CPLX2: variants seen among roughly 807,000 people sequenced by gnomAD.
The protein encoded by CPLX2 is complexin 2, also known as complexin-2.
A neutral mutation model predicts 16.3 loss-of-function variants in CPLX2; 5 were observed. That is an observed-to-expected ratio of 0.31 (90% CI 0.16 to 0.64). The LOEUF (loss-of-function observed/expected upper bound fraction) is 0.64. Ranked by LOEUF, CPLX2 falls within the 30% of genes least tolerant of loss-of-function variation. CPLX2 has a pLI of 0.79. For missense variants in CPLX2, 144 were observed against 181.4 expected, an observed-to-expected ratio of 0.79 and a Z score of 1.18; for synonymous variants, 89 against 73.2, an observed-to-expected ratio of 1.22 and a Z score of -1.10.
At chr5:175,876,370 A>C (rs1184337979) in intron 1 of CPLX2, among the ~76,000 whole-genome samples, 1 of 152,172 alleles carries the variant, frequency 6.6e-6, no homozygotes, top group African/African-American at 2.4e-5. Flanking sequence ...TTAGAAAGTA[A>C]AAAGAGGCAG....
intron 2 of CPLX2, among the ~76,000 whole-genome samples, chr5:175,828,980 C>G (rs978917964): frequency 6.6e-6 from 1 of 152,100 alleles, no homozygotes; most frequent in Non-Finnish European, 1.5e-5. Context: ...TGGAGCCAGA[C>G]GCACTCCCCG....
At chr5:175,827,167 CCAAT>C (rs1297981935) in intron 2 of CPLX2, among the ~76,000 whole-genome samples, 3 of 152,168 alleles carry the variant, frequency 2.0e-5, no homozygotes, top group African/African-American at 7.2e-5. Context: ...CTTCCCTGCA[CCAAT>C]CACTCTAGCC....
intron 2 of CPLX2, among the ~76,000 whole-genome samples, chr5:175,823,984 T>G (rs1037835944): frequency 3.9e-5 from 6 of 152,134 alleles, no homozygotes; most frequent in African/African-American, 1.4e-4. Flanking sequence ...CGCACAGGCC[T>G]GGGGCTTGCT....
upstream of CPLX2, among the ~76,000 whole-genome samples, chr5:175,871,332 G>A (rs1759587830): frequency 6.9e-6 from 1 of 145,516 alleles, no homozygotes; most frequent in African/African-American, 2.6e-5. Context: ...GAGGAATGGA[G>A]GGAGAAGGAG....
chr5:175,836,453 A>G (rs1237085376), intron 2 of CPLX2, among the ~76,000 whole-genome samples: 1 of 152,248 alleles, frequency 6.6e-6, no homozygotes, highest in African/African-American at 2.4e-5. Flanking sequence ...GGTGACTGGA[A>G]CGAGGCTCTT....
chr5:175,816,988 C>T (rs1340837946), intron 2 of CPLX2, among the ~76,000 whole-genome samples: 2 of 152,226 alleles, frequency 1.3e-5, no homozygotes, highest in Non-Finnish European at 2.9e-5. Flanking sequence ...ACGTGGTGTC[C>T]ATGGTGACCC....
intron 2 of CPLX2, among the ~76,000 whole-genome samples, chr5:175,852,845 G>A (rs1398104341): frequency 6.6e-6 from 1 of 152,178 alleles, no homozygotes; most frequent in African/African-American, 2.4e-5. Context: ...ACCCAGGGAA[G>A]CATTGGCATC....
chr5:175,805,970 C>T lies in CPLX2; in HGVS notation c.-168-3019C>T, dbSNP rs1007839374. On this transcript the variant is annotated intron_variant, in intron 1 of 4. Transcript: ENST00000359546. ...GAGTCCTGATAGCTACTCCTCCTAT[C>T]TTTGCCACCCCAAGCCACTGCCTTA... Among the ~76,000 whole-genome samples the T allele has an allele frequency of 2.6e-5, 4 of 152,222 alleles. No individual in the cohort carries two copies. In the South Asian group the frequency reaches 8.3e-4, roughly 32 times the overall value.
chr5:175,880,071 C>T lies in CPLX2; in HGVS notation c.*26C>T. The T allele has an allele frequency of 1.9e-6, 3 of 1,596,690 alleles. No homozygotes were observed. The highest frequency in any genetic ancestry group is 1.1e-5 in the South Asian group (1 of 88,664). On this transcript the variant is annotated 3_prime_UTR_variant, in exon 4 of 4. Coordinates refer to ENST00000393745, the MANE Select transcript of CPLX2 (RefSeq NM_001008220.2). Reference sequence around the variant, plus strand: ...CCAGGCCTCCTGCCCCAGCCTACTCCACCTGTTACTACTTCTTTTTGGTTC... The same window carrying T: ...CCAGGCCTCCTGCCCCAGCCTACTCTACCTGTTACTACTTCTTTTTGGTTC...
intron 2 of CPLX2, chr5:175,837,935 A>G (rs1212397996): frequency 6.6e-6 from 1 of 152,242 alleles, no homozygotes; most frequent in African/African-American, 2.4e-5. Context: ...GAGGGAGATA[A>G]TAGTTAAAAA....
chr5:175,867,890 A>G (rs1227060348), upstream of CPLX2, among the ~76,000 whole-genome samples: 1 of 152,210 alleles, frequency 6.6e-6, no homozygotes, highest in Non-Finnish European at 1.5e-5. Flanking sequence ...TGGGACCCTC[A>G]CAGTGATGGC....
At chr5:175,862,880 G>C (rs1473791187) in intron 2 of CPLX2, among the ~76,000 whole-genome samples, 1 of 152,198 alleles carries the variant, frequency 6.6e-6, no homozygotes, top group Non-Finnish European at 1.5e-5. Flanking sequence ...GAAATACACA[G>C]GTGGGCTCCT....
chr5:175,804,437 G>A lies in CPLX2; in HGVS notation c.-168-4552G>A, dbSNP rs115643670. ...CTGGGCCTGTACCCTAAGGTGCTGTGTAGGATCAGACCCACCCCTTGTATG... is the reference window on the plus strand; with the variant it reads ...CTGGGCCTGTACCCTAAGGTGCTGTATAGGATCAGACCCACCCCTTGTATG... On this transcript the variant is annotated intron_variant, in intron 1 of 4. Coordinates refer to the CPLX2 transcript ENST00000359546. Among the ~76,000 whole-genome samples, 1,434 of 152,316 alleles carry A rather than the reference G, an allele frequency of 9.4e-3. 25 individuals carry two copies. Among genetic ancestry groups the A allele is most frequent in the African/African-American group, 0.034 (1,396 of 41,558 alleles).
chr5:175,802,230 C>T (rs1370067325), intron 1 of CPLX2, among the ~76,000 whole-genome samples: 1 of 152,156 alleles, frequency 6.6e-6, no homozygotes, highest in Non-Finnish European at 1.5e-5. Flanking sequence ...GGAAAATAAA[C>T]CAAACTTCCA....
intron 2 of CPLX2, among the ~76,000 whole-genome samples, chr5:175,851,825 T>G (rs776904012): frequency 2.0e-5 from 3 of 152,234 alleles, no homozygotes; most frequent in Non-Finnish European, 2.9e-5. Context: ...CTGGCAGCCG[T>G]GCTTTGGTCC....
At chr5:175,841,589 C>G (rs928486935) in intron 2 of CPLX2, among the ~76,000 whole-genome samples, 2 of 152,210 alleles carry the variant, frequency 1.3e-5, no homozygotes, top group African/African-American at 4.8e-5. Flanking sequence ...AGGGACCCCC[C>G]AAGTCTCTTC....
intron 2 of CPLX2, among the ~76,000 whole-genome samples, chr5:175,826,637 G>T (rs1213304778): frequency 6.6e-6 from 1 of 152,088 alleles, no homozygotes; most frequent in African/African-American, 2.4e-5. Context: ...ACGAAGAAAG[G>T]AATCTCCCAG....
chr5:175,859,181 C>T (rs572143803), intron 2 of CPLX2, among the ~76,000 whole-genome samples: 2 of 152,328 alleles, frequency 1.3e-5, no homozygotes, highest in South Asian at 2.1e-4. Context: ...AAGAAAAAAG[C>T]ATCTTTGGGA....
intron 2 of CPLX2, among the ~76,000 whole-genome samples, chr5:175,851,052 T>C (rs1434268768): frequency 3.3e-5 from 5 of 151,668 alleles, no homozygotes. Flanking sequence ...ACAGAGATGG[T>C]AGAGCCGCTG....
Sources: allele counts gnomAD v4.1 joint callset (sites outside exome capture counted in the v4.1 genomes callset), GRCh38; gene constraint gnomAD v4.1.1; transcripts MANE v1.5; gene names NCBI Gene and HGNC (gene_info 2026-07-23, HGNC 2026-07-21).